Variants in THSD4 observed in about 807,000 individuals in gnomAD.
THSD4 encodes the protein thrombospondin type 1 domain containing 4, also known as thrombospondin type-1 domain-containing protein 4.
In THSD4, 69 loss-of-function variants were observed where a neutral mutation model predicts 119.0. That is an observed-to-expected ratio of 0.58 (90% CI 0.48 to 0.71). The LOEUF (loss-of-function observed/expected upper bound fraction) is 0.71, where lower values mean the gene tolerates loss of function less well. Among genes scored for constraint, THSD4 ranks in the 30% least tolerant of loss-of-function variants. The probability of loss-of-function intolerance (pLI) is 0.00; values close to 1 mark genes in which losing one functional copy is unlikely to be tolerated. For missense variants in THSD4, 1,393 were observed against 1,391.1 expected (o/e 1.00, Z -0.02); for synonymous variants, 524 against 540.4 (o/e 0.97, Z 0.42).
chr15:71,103,727 C>T (rs1182464436), intron 1 of THSD4, among the ~76,000 whole-genome samples: 4 of 152,046 alleles, frequency 2.6e-5, no homozygotes, highest in African/African-American at 9.7e-5. Context: ...GCCTCTGCCA[C>T]CACCACTGCT....
At chr15:71,292,543 A>C (rs1418207819) in intron 6 of THSD4, among the ~76,000 whole-genome samples, 1 of 151,780 alleles carries the variant, frequency 6.6e-6, no homozygotes, top group African/African-American at 2.4e-5. Context: ...TGAATTCTTT[A>C]ATTTTTATGA....
At chr15:71,432,222 G>A (rs1202670766) in intron 7 of THSD4, among the ~76,000 whole-genome samples, 3 of 152,102 alleles carry the variant, frequency 2.0e-5, no homozygotes, top group Non-Finnish European at 4.4e-5. Flanking sequence ...TGCCTAATAC[G>A]TCTCTCTGGA....
intron 7 of THSD4, among the ~76,000 whole-genome samples, chr15:71,575,468 GATAA>G (rs1439916060): frequency 2.0e-5 from 3 of 152,252 alleles, no homozygotes; most frequent in South Asian, 2.1e-4. Context: ...TACAGTAGGT[GATAA>G]ATAAAATCAC....
intron 3 of THSD4, chr15:71,165,144 G>A: frequency 6.2e-7 from 1 of 1,604,004 alleles, no homozygotes; most frequent in South Asian, 1.1e-5. Flanking sequence ...GGTGCATTGG[G>A]ATCCTTGAAC....
chr15:71,189,000 G>C (rs2043643479), intron 3 of THSD4: 1 of 152,630 alleles, frequency 6.6e-6, no homozygotes, highest in African/African-American at 2.4e-5. Context: ...TCTTGTGCCT[G>C]CCTCTTCCTC....
chr15:71,554,540 C>T lies in THSD4; in HGVS notation c.1153-105990C>T, dbSNP rs140227350. Among the ~76,000 whole-genome samples, 703 of 152,198 alleles carry T rather than the reference C, an allele frequency of 4.6e-3. 5 individuals are homozygous for T. The highest frequency in any genetic ancestry group is 0.016 in the African/African-American group (676 of 41,536). On this transcript the variant is annotated intron_variant, in intron 7 of 17. Transcript: ENST00000261862. ...AGTAGCTAGGACTACAGGCATGCGC[C>T]GCCATGCCTGGCTAATTTTTTACTT...
intron 8 of THSD4, among the ~76,000 whole-genome samples, chr15:71,724,297 TCCC>T (rs201576024): frequency 2.4e-5 from 1 of 41,580 alleles, no homozygotes. Flanking sequence ...ATTTTTTTTT[TCCC>T]CCCAAGATGG....
chr15:71,735,802 TTC>T (rs1389859069), intron 10 of THSD4, among the ~76,000 whole-genome samples: 1 of 138,002 alleles, frequency 7.2e-6, no homozygotes, highest in Non-Finnish European at 1.6e-5. Flanking sequence ...CTCTCTTGCT[TTC>T]TGTCTCTATC....
intron 3 of THSD4, among the ~76,000 whole-genome samples, chr15:71,159,784 T>C (rs2043234338): frequency 6.6e-6 from 1 of 152,130 alleles, no homozygotes; most frequent in Non-Finnish European, 1.5e-5. Context: ...TATTTTTTTC[T>C]CTTGCCTAAT....
At chr15:71,397,770 A>G (rs751799550) in intron 6 of THSD4, among the ~76,000 whole-genome samples, 8 of 152,230 alleles carry the variant, frequency 5.3e-5, no homozygotes, top group African/African-American at 1.9e-4. Context: ...TTAGCAAGTT[A>G]CTTAACCTCT....
chr15:71,318,214 A>G (rs2045217871), intron 6 of THSD4, among the ~76,000 whole-genome samples: 1 of 152,136 alleles, frequency 6.6e-6, no homozygotes, highest in Non-Finnish European at 1.5e-5. Flanking sequence ...AAGGCAGTGA[A>G]TTTGGGAAGA....
At chr15:71,280,106 G>A (rs185014927) in intron 6 of THSD4, among the ~76,000 whole-genome samples, 8 of 152,306 alleles carry the variant, frequency 5.3e-5, no homozygotes, top group East Asian at 3.9e-4. Flanking sequence ...GGGACTGGGC[G>A]TGTGCAGATG....
intron 6 of THSD4, among the ~76,000 whole-genome samples, chr15:71,401,857 G>A (rs1160020443): frequency 6.6e-6 from 1 of 152,164 alleles, no homozygotes; most frequent in East Asian, 1.9e-4. Flanking sequence ...CAACCCAAAT[G>A]TCCATCAATG....
At chr15:71,423,945 A>G (rs912541216) in intron 7 of THSD4, among the ~76,000 whole-genome samples, 1 of 152,054 alleles carries the variant, frequency 6.6e-6, no homozygotes, top group Non-Finnish European at 1.5e-5. Context: ...GTTGCTTTCC[A>G]CTGTGACAGG....
chr15:71,527,069 A>C (rs371194490), intron 7 of THSD4, among the ~76,000 whole-genome samples: 1 of 152,198 alleles, frequency 6.6e-6, no homozygotes, highest in African/African-American at 2.4e-5. Context: ...CTCCCTCATA[A>C]ATGGGATTAA....
rs930606592 is a variant in THSD4 at position 71,494,932 on chromosome 15, T to C, written c.1152+83109T>C. The stretch of plus-strand genomic sequence containing the variant: ...AGGGCCTAAGAAGTGATTTAGGTGC[T>C]CTGATGAGGTGCTGGTAGGAAAGGT... On this transcript the variant is annotated intron_variant, in intron 7 of 17. Coordinates refer to ENST00000261862, the MANE Select transcript of THSD4 (RefSeq NM_024817.3). Among the ~76,000 whole-genome samples the C allele has an allele frequency of 5.9e-5, 9 of 152,220 alleles. 1 individual carries two copies. Among genetic ancestry groups the C allele is most frequent in the Non-Finnish European group, 1.3e-4 (9 of 68,034 alleles).
At chr15:71,630,445 G>A (rs1460346715) in intron 7 of THSD4, among the ~76,000 whole-genome samples, 1 of 152,120 alleles carries the variant, frequency 6.6e-6, no homozygotes, top group East Asian at 1.9e-4. Flanking sequence ...CCCAATTTTG[G>A]GGTTTCTTGT....
chr15:71,506,224 C>A (rs1184205539), intron 7 of THSD4, among the ~76,000 whole-genome samples: 2 of 152,140 alleles, frequency 1.3e-5, no homozygotes, highest in African/African-American at 4.8e-5. Context: ...AATCAAATAT[C>A]TTTTGCCTCC....
chr15:71,169,192 T>C (rs2043326930), intron 3 of THSD4, among the ~76,000 whole-genome samples: 1 of 152,110 alleles, frequency 6.6e-6, no homozygotes, highest in African/African-American at 2.4e-5. Context: ...TATGAAAAGG[T>C]AGTCAATCAA....
Sources: allele counts gnomAD v4.1 joint callset (sites outside exome capture counted in the v4.1 genomes callset), GRCh38; gene constraint gnomAD v4.1.1; transcripts MANE v1.5; gene names NCBI Gene and HGNC (gene_info 2026-07-23, HGNC 2026-07-21).